MYT1L: variants seen among roughly 807,000 people sequenced by gnomAD.
The protein encoded by MYT1L is myelin transcription factor 1 like, also known as myelin transcription factor 1-like protein.
A neutral mutation model predicts 126.7 loss-of-function variants in MYT1L; 12 were observed. That is an observed-to-expected ratio of 0.09 (90% CI 0.06 to 0.15). The LOEUF (loss-of-function observed/expected upper bound fraction) is 0.15. Among genes scored for constraint, MYT1L ranks in the 10% least tolerant of loss-of-function variants. The probability of loss-of-function intolerance (pLI) is 1.00; values close to 1 mark genes in which losing one functional copy is unlikely to be tolerated. For missense variants in MYT1L, 979 were observed against 1,585.2 expected (o/e 0.62, Z 6.49); for synonymous variants, 541 against 604.2 (o/e 0.90, Z 1.53).
chr2:1,943,632 A>T lies in MYT1L; in HGVS notation c.153-298T>A, dbSNP rs572916063. ...TCCAGAGATCCTACGAAAATTCATG[A>T]GATTGGTTTGCATAATGTGTATAAC... On this transcript the variant is annotated intron_variant, in intron 8 of 24. Coordinates refer to ENST00000647738, the MANE Select transcript of MYT1L (RefSeq NM_001303052.2). This position sits in a 1 kb window ranked among gnomAD's most constrained non-coding sequence, Gnocchi z 4.4. Among the ~76,000 whole-genome samples the T allele has an allele frequency of 4.3e-4, 65 of 152,330 alleles. 1 individual carries two copies. In the South Asian group the frequency reaches 0.013, roughly 32 times the overall value.
intron 4 of MYT1L, among the ~76,000 whole-genome samples, chr2:2,050,405 T>C (rs1008599646): frequency 6.6e-6 from 1 of 152,120 alleles, no homozygotes; most frequent in Admixed American, 6.5e-5. Flanking sequence ...GAAACAGATA[T>C]TGATTTTATT....
intron 8 of MYT1L, among the ~76,000 whole-genome samples, chr2:1,953,714 G>A (rs886590441): frequency 3.9e-5 from 6 of 152,306 alleles, no homozygotes; most frequent in South Asian, 2.1e-4. Context: ...CTGTTTCCAC[G>A]GACTGAGTGG....
chr2:2,197,893 C>G (rs929125790), intron 2 of MYT1L, among the ~76,000 whole-genome samples: 3 of 143,904 alleles, frequency 2.1e-5, no homozygotes. Context: ...ACACACACAA[C>G]GAATGTGTAC....
intron 3 of MYT1L, among the ~76,000 whole-genome samples, chr2:2,086,884 C>G (rs147779070): frequency 1.2e-3 from 187 of 152,302 alleles, no homozygotes; most frequent in Non-Finnish European, 2.1e-3. Context: ...CTCACAGCTC[C>G]GGGGATGCCT....
intron 2 of MYT1L, among the ~76,000 whole-genome samples, chr2:2,282,903 C>A (rs753413100): frequency 4.6e-5 from 7 of 152,114 alleles, no homozygotes; most frequent in Non-Finnish European, 1.0e-4. Flanking sequence ...GGTGAAACCC[C>A]GTCTTTACTA....
chr2:2,312,965 T>C (rs1237294605), intron 1 of MYT1L, among the ~76,000 whole-genome samples: 1 of 152,104 alleles, frequency 6.6e-6, no homozygotes, highest in African/African-American at 2.4e-5. Context: ...TGAGTGGCTA[T>C]TGTTTGAAGA....
At chr2:2,004,003 ATGCCTTCTTTCC>A (rs2062736168) in intron 4 of MYT1L, among the ~76,000 whole-genome samples, 9 of 136,062 alleles carry the variant, frequency 6.6e-5, no homozygotes, top group Admixed American at 1.4e-4. Context: ...TCTTTCCTGC[ATGCCTTCTTTCC>A]TGCATGCCTT....
rs914232739 is a variant in MYT1L at position 1,887,417 on chromosome 2, C to T, written c.2642+71G>A. The T allele has an allele frequency of 1.9e-6, 3 of 1,600,362 alleles. No homozygotes were observed. The highest frequency in any genetic ancestry group is 2.7e-5 in the African/African-American group (2 of 74,538). Reference sequence around the variant, plus strand: ...TCAAACGGCAAGGCATATACAGATCCAGTTTTAAAAAATCAGCCAAAGAAT... The same window carrying T: ...TCAAACGGCAAGGCATATACAGATCTAGTTTTAAAAAATCAGCCAAAGAAT... On this transcript the variant is annotated intron_variant, in intron 17 of 24. Coordinates refer to ENST00000647738, the MANE Select transcript of MYT1L (RefSeq NM_001303052.2). The surrounding 1 kb of genome is among the most constrained non-coding windows in gnomAD (Gnocchi z 4.8).
chr2:2,294,911 A>G (rs1327454074), intron 1 of MYT1L, among the ~76,000 whole-genome samples: 1 of 152,222 alleles, frequency 6.6e-6, no homozygotes, highest in African/African-American at 2.4e-5. Flanking sequence ...AGAAGCAATC[A>G]ATGTGCATAA....
rs574913147 is a variant in MYT1L, at chr2:2,216,388, TTAAATAACACATTTC to T, written c.-420-43415_-420-43401del. ...AAAATTACCCCCAAATATTTGGAAATTAAATAACACATTTCTAAATAACCCATGGGTCAAAGGAGG... is the reference window on the plus strand; with the variant it reads ...AAAATTACCCCCAAATATTTGGAAATTAAATAACCCATGGGTCAAAGGAGG... On this transcript the variant is annotated intron_variant, in intron 2 of 24. Transcript: ENST00000647738. 4.6e-3 allele frequency among the ~76,000 whole-genome samples: 705 copies of T among 152,076 alleles called. 4 individuals are homozygous for T. Among genetic ancestry groups the T allele is most frequent in the African/African-American group, 0.016 (683 of 41,434 alleles).
chr2:2,045,806 C>T (rs1362534195), intron 4 of MYT1L, among the ~76,000 whole-genome samples: 2 of 152,190 alleles, frequency 1.3e-5, no homozygotes, highest in Non-Finnish European at 2.9e-5. Flanking sequence ...CTATTTGGAT[C>T]TCCAGGCCAA....
chr2:1,846,805 G>T (rs2042557585), intron 19 of MYT1L, among the ~76,000 whole-genome samples: 1 of 152,204 alleles, frequency 6.6e-6, no homozygotes, highest in African/African-American at 2.4e-5. Context: ...CTGTGTGAGG[G>T]CAGATACTGA....
chr2:2,329,506 T>C (rs1448703098), intron 1 of MYT1L, among the ~76,000 whole-genome samples: 1 of 152,182 alleles, frequency 6.6e-6, no homozygotes, highest in Non-Finnish European at 1.5e-5. Flanking sequence ...CTTTAAATAA[T>C]CTTCATAATC....
chr2:2,131,536 A>G (rs578200878), intron 3 of MYT1L, among the ~76,000 whole-genome samples: 1 of 152,304 alleles, frequency 6.6e-6, no homozygotes, highest in South Asian at 2.1e-4. Flanking sequence ...TAGCCTTTGG[A>G]CATATGGTTA....
intron 18 of MYT1L, among the ~76,000 whole-genome samples, chr2:1,860,404 C>T (rs1391543071): frequency 6.6e-6 from 1 of 152,162 alleles, no homozygotes; most frequent in East Asian, 1.9e-4. Context: ...GAGTGAGTTT[C>T]ATCCAGGGCC....
chr2:2,217,176 T>A (rs2093700085), intron 2 of MYT1L, among the ~76,000 whole-genome samples: 1 of 152,014 alleles, frequency 6.6e-6, no homozygotes, highest in Non-Finnish European at 1.5e-5. Context: ...GTGCCACCAT[T>A]TCTCAGATAA....
chr2:2,278,159 C>T (rs905840927), intron 2 of MYT1L, among the ~76,000 whole-genome samples: 24 of 152,104 alleles, frequency 1.6e-4, no homozygotes, highest in Non-Finnish European at 7.3e-5. Context: ...GTGCTGTGTA[C>T]GAGGCACTAA....
intron 14 of MYT1L, among the ~76,000 whole-genome samples, chr2:1,896,569 C>T (rs917637992): frequency 2.6e-5 from 4 of 152,148 alleles, no homozygotes; most frequent in African/African-American, 9.7e-5. Context: ...AGGCCACAAA[C>T]CTAAATGAAT....
rs747465637 is a variant in MYT1L, at chr2:1,990,944, G to C, written c.-1+6247C>G. On this transcript the variant is annotated intron_variant, in intron 5 of 24. Transcript: ENST00000647738. ...TGCAGCCTCACAGGCGGCCATCTGG[G>C]TCCTCCTGCCGTGCCAGCTTCCTTT... Among the ~76,000 whole-genome samples, 23 of 152,212 alleles carry C rather than the reference G, an allele frequency of 1.5e-4. No individual in the cohort carries two copies. In the East Asian group the frequency reaches 4.2e-3, roughly 28 times the overall value.
Sources: gnomAD v4.1 joint callset for allele counts (sites outside exome capture counted in the v4.1 genomes callset) on GRCh38, gnomAD v4.1.1 for gene constraint, Gnocchi (gnomAD v3.1) non-coding constraint, MANE v1.5 for transcripts, NCBI Gene and HGNC (gene_info 2026-07-23, HGNC 2026-07-21) for gene names.